The following MCPH1 variants were observed in gnomAD, a reference collection of about 807,000 sequenced individuals.
MCPH1 encodes the protein microcephalin.
In MCPH1, 104 loss-of-function variants were observed where a neutral mutation model predicts 84.5. That is an observed-to-expected ratio of 1.23 (90% confidence interval 1.05 to 1.45). The LOEUF is 1.45. Ranked by LOEUF, MCPH1 falls within the 40% of genes most tolerant of loss-of-function variation. MCPH1 has a pLI of 0.00. For synonymous variants in MCPH1, 514 were observed against 366.8 expected (o/e 1.40, Z -4.58); for missense variants, 1,498 against 1,005.7 (o/e 1.49, Z -6.62).
At chr8:6,617,478 A>G (rs919634648) in intron 12 of MCPH1, among the ~76,000 whole-genome samples, 1 of 151,792 alleles carries the variant, frequency 6.6e-6, no homozygotes, top group African/African-American at 2.4e-5. Context: ...ATATAAATAG[A>G]TGAGCCTGGT....
intron 1 of MCPH1, among the ~76,000 whole-genome samples, chr8:6,407,916 T>A (rs1797972059): frequency 6.6e-6 from 1 of 152,178 alleles, no homozygotes; most frequent in Non-Finnish European, 1.5e-5. Context: ...TATATCACAT[T>A]CACATTTCCT....
At chr8:6,463,452 A>G (rs557855866) in intron 9 of MCPH1, among the ~76,000 whole-genome samples, 15 of 152,362 alleles carry the variant, frequency 9.8e-5, no homozygotes, top group African/African-American at 2.9e-4. Context: ...AAAAGAAAGT[A>G]TATTTCAGAG....
At chr8:6,486,606 T>C (rs1809959964) in intron 11 of MCPH1, among the ~76,000 whole-genome samples, 1 of 152,180 alleles carries the variant, frequency 6.6e-6, no homozygotes, top group African/African-American at 2.4e-5. Context: ...TTATTGGCAA[T>C]TTTTCCATGT....
intron 8 of MCPH1, among the ~76,000 whole-genome samples, chr8:6,448,092 C>T (rs941529862): frequency 1.3e-5 from 2 of 152,102 alleles, no homozygotes; most frequent in South Asian, 2.1e-4. Flanking sequence ...AATGAAGCAG[C>T]GTGCACCCTC....
rs1227689972 is a variant in MCPH1 at position 6,444,912 on chromosome 8, T to A, written c.1190T>A (p.Val397Glu). 5.0e-6 allele frequency: 8 copies of A among 1,614,024 alleles called. No homozygotes were observed. In the Admixed American group the frequency reaches 8.3e-5, roughly 17 times the overall value. The change falls in exon 8 of 14, where the codon GTG becomes GAG. Residue 397 changes from valine (V) to glutamate (E), a missense_variant. Val to Glu is a moderately radical substitution (Grantham distance 121). Coordinates refer to ENST00000344683, the MANE Select transcript of MCPH1 (RefSeq NM_024596.5). ...AGGTCGGAAGACAGGCTGCAGCACG[T>A]GGCGGGACCTGCCCTGGAGGCTCTT... Reference protein sequence around the residue: ...LCRSEDRLQHVAGPALEALSC... With the variant: ...LCRSEDRLQHEAGPALEALSC...
chr8:6,499,820 T>C, intron 11 of MCPH1, 32 bp from the exon 12 acceptor site: 1 of 1,599,456 alleles, frequency 6.3e-7, no homozygotes, highest in Non-Finnish European at 8.6e-7. Context: ...CTAATAAATG[T>C]ATAATAAATC....
At chr8:6,478,576 T>C (rs150526061) in intron 10 of MCPH1, among the ~76,000 whole-genome samples, 250 of 152,288 alleles carry the variant, frequency 1.6e-3, no homozygotes, top group Middle Eastern at 6.8e-3. Flanking sequence ...CATGGACTTC[T>C]TGTGATACTT....
intron 10 of MCPH1, among the ~76,000 whole-genome samples, chr8:6,478,073 A>C (rs142867467): frequency 1.3e-5 from 2 of 152,260 alleles, no homozygotes; most frequent in African/African-American, 4.8e-5. Flanking sequence ...AACATTTAAC[A>C]CAACAAAGAA....
chr8:6,553,159 A>C (rs1229239250), intron 12 of MCPH1, among the ~76,000 whole-genome samples: 1 of 152,180 alleles, frequency 6.6e-6, no homozygotes, highest in African/African-American at 2.4e-5. Context: ...ACTCTGGTGC[A>C]GGATGTTGAT....
intron 12 of MCPH1, chr8:6,521,091 T>C: frequency 9.8e-7 from 1 of 1,019,748 alleles, no homozygotes; most frequent in Non-Finnish European, 1.4e-6. Context: ...TAGCGCCTTT[T>C]CTGAAAGGTG....
Position 6,562,697 on chromosome 8 carries a change from G to C in MCPH1, c.2215-58757G>C. ...TCCATGATGTTCTCCAGCACTTGCA[G>C]CCTCTGCACCGAGTCATCGTATTCG... On this transcript the variant is annotated intron_variant, in intron 12 of 13. Transcript: ENST00000344683. 6 of 1,610,436 alleles carry C rather than the reference G, an allele frequency of 3.7e-6. No individual in the cohort carries two copies. The highest frequency in any genetic ancestry group is 1.1e-5 in the South Asian group (1 of 90,968).
At chr8:6,522,526 C>A (rs796864051) in intron 12 of MCPH1, among the ~76,000 whole-genome samples, 15 of 152,238 alleles carry the variant, frequency 9.9e-5, no homozygotes, top group African/African-American at 3.6e-4. Flanking sequence ...ATAATCCCAG[C>A]ACTTTGGAAG....
chr8:6,593,390 T>A (rs1828672146), intron 12 of MCPH1, among the ~76,000 whole-genome samples: 1 of 148,912 alleles, frequency 6.7e-6, no homozygotes, highest in Non-Finnish European at 1.5e-5. Flanking sequence ...ACTTATAATT[T>A]ATGATTAAGG....
intron 12 of MCPH1, among the ~76,000 whole-genome samples, chr8:6,589,131 C>G (rs1303871837): frequency 6.6e-6 from 1 of 152,176 alleles, no homozygotes; most frequent in East Asian, 1.9e-4. Context: ...CTCCTGTGGG[C>G]TCGGGGAAGA....
intron 13 of MCPH1, chr8:6,622,019 A>C (rs1586838370): frequency 7.5e-6 from 3 of 401,298 alleles, no homozygotes; most frequent in Non-Finnish European, 9.9e-6. Context: ...CCCCTCTTAG[A>C]CCCTCCCTCC....
intron 9 of MCPH1, among the ~76,000 whole-genome samples, chr8:6,463,680 G>A (rs1220231241): frequency 6.6e-6 from 1 of 152,148 alleles, no homozygotes; most frequent in Non-Finnish European, 1.5e-5. Flanking sequence ...GAGCTGCAGG[G>A]ACACAGATGC....
At chr8:6,499,689 T>C in intron 11 of MCPH1, 163 bp from the exon 12 acceptor site, 1 of 633,326 alleles carries the variant, frequency 1.6e-6, no homozygotes, top group Non-Finnish European at 2.8e-6. Context: ...TCATAACATT[T>C]ATGCAACATG....
chr8:6,629,329 G>A (rs1197406550), intron 13 of MCPH1, among the ~76,000 whole-genome samples: 1 of 152,210 alleles, frequency 6.6e-6, no homozygotes, highest in Non-Finnish European at 1.5e-5. Context: ...GGGCATGGTT[G>A]TGGGCACCTG....
At chr8:6,554,166 C>G (rs1455618697) in intron 12 of MCPH1, among the ~76,000 whole-genome samples, 3 of 150,110 alleles carry the variant, frequency 2.0e-5, no homozygotes, top group African/African-American at 7.4e-5. Context: ...GTCTTATCAC[C>G]AGATTAAACC....
Sources: allele counts gnomAD v4.1 joint callset (sites outside exome capture counted in the v4.1 genomes callset), GRCh38; gene constraint gnomAD v4.1.1; transcripts MANE v1.5; gene names NCBI Gene and HGNC (gene_info 2026-07-23, HGNC 2026-07-21).